AKAP9: variants seen among roughly 807,000 people sequenced by gnomAD.
AKAP9 encodes A-kinase anchoring protein 9.
Under a neutral mutation model 488.5 loss-of-function variants are expected in AKAP9, and 311 were observed. The observed-to-expected ratio is 0.64, with a 90% confidence interval of 0.58 to 0.70. The LOEUF (loss-of-function observed/expected upper bound fraction) is 0.70. AKAP9 is among the 30% of genes least tolerant of loss of function. The probability of loss-of-function intolerance (pLI) is 0.00; values close to 1 mark genes in which losing one functional copy is unlikely to be tolerated. For missense variants in AKAP9, 4,215 were observed against 4,374.5 expected, an observed-to-expected ratio of 0.96 and a Z score of 1.03; for synonymous variants, 1,462 against 1,483.5, an observed-to-expected ratio of 0.99 and a Z score of 0.33.
rs1224810216 is a variant in AKAP9, at chr7:92,077,781, C to T, written c.6851C>T (p.Ala2284Val). The change falls in exon 30 of 50, where the codon GCT (alanine) becomes GTT (valine). Residue 2284 changes from alanine to valine, a missense_variant. Transcript: ENST00000356239. ...QDQHVLFGKF[A>V]QIIQEKEVEI... ...CAACATGTGCTATTTGGGAAATTTG[C>T]TCAAATAATACAGGAAAAAGAGGTA... 1.2e-6 allele frequency: 2 copies of T among 1,613,654 alleles called. No individual in the cohort carries two copies. The highest frequency in any genetic ancestry group is 3.3e-5 in the Admixed American group (2 of 60,006).
intron 6 of AKAP9, among the ~76,000 whole-genome samples, chr7:91,995,339 G>A (rs934493042): frequency 6.6e-6 from 1 of 152,162 alleles, no homozygotes; most frequent in Non-Finnish European, 1.5e-5. Context: ...TAGGGAATTC[G>A]GGAAGTACTG....
rs1376652098 is a variant in AKAP9 at position 91,941,138 on chromosome 7, C to A, written c.39C>A (p.Gly13=). 2 of 1,614,026 alleles carry A rather than the reference C, an allele frequency of 1.2e-6. No individual in the cohort carries two copies. The highest frequency in any genetic ancestry group is 1.1e-5 in the South Asian group (1 of 91,078). The part of the protein sequence containing the change: ...DEERQKKLEA[G]KAKLAQFRQR... Reference sequence around the variant, plus strand: ...AGAGACAGAAGAAGCTGGAGGCCGGCAAAGCCAAGGTAGGAGAGCCCGAGG... The same window carrying A: ...AGAGACAGAAGAAGCTGGAGGCCGGAAAAGCCAAGGTAGGAGAGCCCGAGG... Residue 13 remains glycine (G), a synonymous_variant, in exon 1 of 50, where the codon GGC becomes GGA. Coordinates refer to ENST00000356239, the MANE Select transcript of AKAP9 (RefSeq NM_005751.5).
rs35623219 is a variant in AKAP9 at position 92,007,281 on chromosome 7, CTTTTTTT to C, written c.3318+4069_3318+4075del. Among the ~76,000 whole-genome samples the C allele has an allele frequency of 4.0e-4, 34 of 84,102 alleles. 1 individual carries two copies. Among genetic ancestry groups the C allele is most frequent in the African/African-American group, 1.2e-3 (27 of 22,230 alleles). 55.2% of individuals were successfully genotyped at this position (84,102 alleles called of 152,430 possible). On this transcript the variant is annotated intron_variant, in intron 8 of 49. Coordinates refer to ENST00000356239, the MANE Select transcript of AKAP9 (RefSeq NM_005751.5). ...AAAATTAAGCATGAGAACTGAAATT[CTTTTTTT>C]TTTTTTTTTTTTTTTTTTTTTTGAG...
intron 16 of AKAP9, among the ~76,000 whole-genome samples, chr7:92,032,152 T>A (rs1289428663): frequency 6.6e-6 from 1 of 152,244 alleles, no homozygotes; most frequent in African/African-American, 2.4e-5. Flanking sequence ...ATGGTTCCAT[T>A]TGTTTTGTCT....
chr7:92,024,199 G>A (rs1326994296), intron 14 of AKAP9, among the ~76,000 whole-genome samples: 1 of 151,498 alleles, frequency 6.6e-6, no homozygotes, highest in African/African-American at 2.4e-5. Context: ...ATTACCTGAG[G>A]TTAGGAGTTC....
chr7:92,000,775 T>G (rs1799054824), intron 7 of AKAP9, 73 bp from the exon 8 acceptor site: 2 of 760,854 alleles, frequency 2.6e-6, no homozygotes, highest in Non-Finnish European at 4.1e-6. Flanking sequence ...AGTCTTTTGG[T>G]AATGAGATGA....
At chr7:92,031,234 G>T (rs1439095235) in intron 15 of AKAP9, among the ~76,000 whole-genome samples, 1 of 152,070 alleles carries the variant, frequency 6.6e-6, no homozygotes, top group Non-Finnish European at 1.5e-5. Flanking sequence ...TTATATTTAA[G>T]TATCCTTTTC....
chr7:92,001,599 C>A lies in AKAP9; in HGVS notation c.1682C>A (p.Ala561Glu). The change falls in exon 8 of 50, where the codon GCA becomes GAA. Residue 561 changes from alanine to glutamate, a missense_variant. Around this residue, in one of 5 missense-constraint regions of AKAP9, gnomAD observed 2,361 missense variants for 2,430.0 expected, o/e 0.97. Transcript: ENST00000356239. ...IAEQESKLNE[A>E]HKSLSTVEDL... The stretch of plus-strand genomic sequence containing the variant: ...GAACAAGAAAGTAAACTTAATGAAG[C>A]ACATAAGTCCCTTAGTACAGTGGAA... 1 of 1,613,820 alleles carries A rather than the reference C, an allele frequency of 6.2e-7. No individual in the cohort carries two copies. The highest frequency in any genetic ancestry group is 8.5e-7 in the Non-Finnish European group (1 of 1,179,800).
intron 9 of AKAP9, among the ~76,000 whole-genome samples, chr7:92,013,252 A>C (rs1042243876): frequency 4.6e-5 from 7 of 151,560 alleles, no homozygotes; most frequent in Non-Finnish European, 1.0e-4. Context: ...CGGCCTCCCA[A>C]AGTGCTGGGA....
chr7:91,958,999 C>T (rs1293812617), intron 1 of AKAP9, among the ~76,000 whole-genome samples: 2 of 152,042 alleles, frequency 1.3e-5, no homozygotes, highest in African/African-American at 2.4e-5. Context: ...ACCCTCCCAC[C>T]TCAGCCTGCC....
rs1170359789 is a variant in AKAP9, at chr7:92,042,804, T to C, written c.5162+33T>C. 5 of 1,376,958 alleles carry C rather than the reference T, an allele frequency of 3.6e-6. No individual in the cohort carries two copies. The Admixed American group carries it at 8.4e-5, about 23-fold the overall frequency. The allele number at this position is 1,376,958 out of a possible 1,614,324, so 85.3% of individuals were successfully genotyped here. A position where few individuals can be genotyped will look rare whatever the true frequency, so the allele number is the denominator to read the frequency against. On this transcript the variant is annotated intron_variant, in intron 20 of 49. Transcript: ENST00000356239. ...AAATGTGTACTTTTTCAGTGCAAAG[T>C]AAATTAAAATGGTTGTTTCAATGTA...
intron 14 of AKAP9, among the ~76,000 whole-genome samples, chr7:92,023,734 A>G (rs1483587788): frequency 6.6e-6 from 1 of 152,136 alleles, no homozygotes; most frequent in Non-Finnish European, 1.5e-5. Context: ...GTCCTACATG[A>G]TGAGTACCCA....
chr7:91,966,767 T>G (rs1006172767), intron 1 of AKAP9, among the ~76,000 whole-genome samples: 25 of 152,214 alleles, frequency 1.6e-4, no homozygotes, highest in African/African-American at 5.8e-4. Context: ...AGTCAGGTAA[T>G]GTGATGCTTC....
At position 92,014,272 on chromosome 7, in the gene AKAP9, C is replaced by G. The variant is rs1317561631; in HGVS notation, c.3556C>G (p.Leu1186Val). 6.2e-7 allele frequency: 1 copy of G among 1,613,038 alleles called. No individual in the cohort carries two copies. Among genetic ancestry groups the G allele is most frequent in the Admixed American group, 1.7e-5 (1 of 60,006 alleles). Residue 1186 changes from leucine (L) to valine (V), a missense_variant, in exon 10 of 50, where the codon CTG (leucine) becomes GTG (valine). This residue lies in a region of AKAP9 where 2,361 missense variants were observed against 2,430.0 expected (regional missense o/e 0.97). Coordinates refer to ENST00000356239, the MANE Select transcript of AKAP9 (RefSeq NM_005751.5). The stretch of plus-strand genomic sequence containing the variant: ...AGGTGATGAAGGAAAGCCTTTACAT[C>G]TGCTCATTGGAAAACTTCAAAAGGC... ...ETGDEGKPLH[L>V]LIGKLQKAVS...
chr7:91,946,396 T>A (rs984951523), intron 1 of AKAP9, among the ~76,000 whole-genome samples: 4 of 18,732 alleles, frequency 2.1e-4, no homozygotes, highest in Admixed American at 1.2e-3. Flanking sequence ...ACCTTCAGGC[T>A]TTTTTTTTTT....
intron 48 of AKAP9, 83 bp from the exon 49 acceptor site, chr7:92,108,411 G>T: frequency 7.1e-7 from 1 of 1,414,026 alleles, no homozygotes. Flanking sequence ...CCACCTTTTT[G>T]GGGAAGGGAG....
At position 92,086,348 on chromosome 7, in the gene AKAP9, C is replaced by T. The variant is rs28927678; in HGVS notation, c.9145C>T (p.Leu3049=). 0.38 allele frequency: 604,869 copies of T among 1,612,624 alleles called. 116,077 individuals are homozygous for T. Among genetic ancestry groups the T allele is most frequent in the Middle Eastern group, 0.42 (2,520 of 6,058 alleles). Residue 3049 remains leucine, a synonymous_variant, in exon 37 of 50, where the codon CTG becomes TTG. Coordinates refer to ENST00000356239, the MANE Select transcript of AKAP9 (RefSeq NM_005751.5). The part of the protein sequence containing the change: ...SVLLAAFRTE[L]TALGTTDAVG... The stretch of plus-strand genomic sequence containing the variant: ...TTTACTAGCAGCATTTCGGACGGAG[C>T]TGACAGCTCTAGGTACTACAGATGC...
chr7:91,983,537 C>G (rs2130602042), intron 3 of AKAP9, among the ~76,000 whole-genome samples: 1 of 152,270 alleles, frequency 6.6e-6, no homozygotes, highest in Admixed American at 6.5e-5. Flanking sequence ...TTTATAGTAG[C>G]ATGATTTATA....
chr7:92,057,788 T>C (rs1809046257), intron 22 of AKAP9: 1 of 223,318 alleles, frequency 4.5e-6, no homozygotes, highest in African/African-American at 2.2e-5. Context: ...AGCAGTTTTA[T>C]TGCTCGTCTA....
Sources: allele counts gnomAD v4.1 joint callset (sites outside exome capture counted in the v4.1 genomes callset), GRCh38; gene constraint gnomAD v4.1.1; regional missense constraint gnomAD v4.1.1; transcripts MANE v1.5; gene names NCBI Gene and HGNC (gene_info 2026-07-23, HGNC 2026-07-21).